PCNT: variants seen among roughly 807,000 people sequenced by gnomAD.
PCNT encodes kendrin.
PCNT carries 319 observed loss-of-function variants against 380.4 expected under a neutral mutation model. The ratio of observed to expected loss-of-function variants is 0.84; its 90% CI spans 0.77 to 0.92. The LOEUF (loss-of-function observed/expected upper bound fraction) is 0.92. Among genes scored for constraint, PCNT ranks in the 40% least tolerant of loss-of-function variants. PCNT has a pLI of 0.00. For synonymous variants in PCNT, 1,845 were observed against 1,735.2 expected (o/e 1.06, Z -1.57); for missense variants, 4,400 against 4,255.3 (o/e 1.03, Z -0.95).
intron 25 of PCNT, among the ~76,000 whole-genome samples, 176 bp from the exon 26 acceptor site, chr21:46,401,375 A>T (rs1349314375): frequency 6.6e-6 from 1 of 152,158 alleles, no homozygotes; most frequent in Non-Finnish European, 1.5e-5. Flanking sequence ...CTCTGCTGGG[A>T]GGTGGCTGGG....
At position 46,445,406 on chromosome 21, in the gene PCNT, T is replaced by TG. The variant is rs3833367; in HGVS notation, c.*82dup. The TG allele has an allele frequency of 3.7e-3, 3,961 of 1,057,638 alleles. 65 individuals are homozygous for TG. The highest frequency in any genetic ancestry group is 0.024 in the South Asian group (1,951 of 80,054). The allele number at this position is 1,057,638 out of a possible 1,614,324, so 65.5% of individuals were successfully genotyped here. A position where few individuals can be genotyped will look rare whatever the true frequency, so the allele number is the denominator to read the frequency against. ...TTTTCCCTTTTCCCAAGGAAGCTCG[T>TG]GGGACAGCATGGGCACTACTCTTCA... On this transcript the variant is annotated 3_prime_UTR_variant, in exon 47 of 47. Coordinates refer to ENST00000359568, the MANE Select transcript of PCNT (RefSeq NM_006031.6).
In PCNT at chr21:46,402,392, A is replaced by C; in HGVS notation, c.5024A>C (p.Glu1675Ala). The C allele has an allele frequency of 6.2e-7, 1 of 1,612,826 alleles. No individual in the cohort carries two copies. Among genetic ancestry groups the C allele is most frequent in the Non-Finnish European group, 8.5e-7 (1 of 1,178,786 alleles). ...GGTGACTTAGAAAGTAAAAATGAAG[A>C]AATACTACATCTGAACTTAAAATTG... ...MKGDLESKNE[E>A]ILHLNLKLDM... Residue 1675 changes from glutamate (E) to alanine (A), a missense_variant, in exon 27 of 47, where the codon GAA becomes GCA. By Grantham distance (107) the Glu-to-Ala change is moderately radical (BLOSUM62 -1). Coordinates refer to ENST00000359568, the MANE Select transcript of PCNT (RefSeq NM_006031.6).
chr21:46,440,237 CT>C (rs35782350), intron 42 of PCNT, 35 bp downstream of exon 42: 1 of 1,611,468 alleles, frequency 6.2e-7, no homozygotes, highest in Non-Finnish European at 8.5e-7. Flanking sequence ...AACTTTGGTG[CT>C]TTTTTAAGTC....
At chr21:46,370,001 G>A (rs2085061161) in intron 15 of PCNT, among the ~76,000 whole-genome samples, 1 of 152,210 alleles carries the variant, frequency 6.6e-6, no homozygotes, top group African/African-American at 2.4e-5. Context: ...CAGGTGCTGC[G>A]GGAGGGGCTG....
chr21:46,403,699 C>A (rs559252933), intron 27 of PCNT, among the ~76,000 whole-genome samples: 1 of 136,278 alleles, frequency 7.3e-6, no homozygotes, highest in East Asian at 2.3e-4. Flanking sequence ...CCACGCGGCA[C>A]GTGCTTGGTG....
chr21:46,411,148 G>T, intron 27 of PCNT, 41 bp from the exon 28 acceptor site: 1 of 1,592,202 alleles, frequency 6.3e-7, no homozygotes, highest in Non-Finnish European at 8.6e-7. Flanking sequence ...ATTCGGAAGT[G>T]GATACATTTA....
intron 1 of PCNT, among the ~76,000 whole-genome samples, chr21:46,325,759 C>G (rs2083373331): frequency 6.6e-6 from 1 of 152,206 alleles, no homozygotes; most frequent in Non-Finnish European, 1.5e-5. Context: ...CACATAGTCT[C>G]AAACTCTCGG....
chr21:46,334,701 C>T lies in PCNT; in HGVS notation c.572C>T (p.Thr191Ile), dbSNP rs1255927615. The change falls in exon 3 of 47, where the codon ACA becomes ATA. Residue 191 changes from threonine (T) to isoleucine (I), a missense_variant. Thr to Ile is a moderately conservative substitution (Grantham distance 89). Coordinates refer to ENST00000359568, the MANE Select transcript of PCNT (RefSeq NM_006031.6). ...QRGMFTVSDH[T>I]PEQRGIFTIS... ...GGGATGTTCACAGTCAGTGACCACACACCAGAACAGCGTGGGATCTTCACA... is the reference window on the plus strand; with the variant it reads ...GGGATGTTCACAGTCAGTGACCACATACCAGAACAGCGTGGGATCTTCACA... The T allele has an allele frequency of 1.2e-6, 2 of 1,613,294 alleles. No individual in the cohort carries two copies. The highest frequency in any genetic ancestry group is 1.1e-5 in the South Asian group (1 of 90,948).
At chr21:46,390,529 A>G (rs1175443997) in intron 19 of PCNT, 141 bp from the exon 20 acceptor site, 1 of 841,108 alleles carries the variant, frequency 1.2e-6, no homozygotes, top group Non-Finnish European at 2.0e-6. Flanking sequence ...AGATGTGCTC[A>G]GGTCCCGTCA....
At chr21:46,345,608 C>T (rs1385873175) in intron 3 of PCNT, among the ~76,000 whole-genome samples, 4 of 152,104 alleles carry the variant, frequency 2.6e-5, no homozygotes, top group Non-Finnish European at 4.4e-5. Flanking sequence ...AACAAGCATA[C>T]GATTCACCAT....
chr21:46,398,321 G>C, intron 24 of PCNT, 66 bp downstream of exon 24: 1 of 1,497,620 alleles, frequency 6.7e-7, no homozygotes. Context: ...CGCTCGCTGG[G>C]ACTGTCCTGC....
chr21:46,359,480 G>GTTTGTTTTTTTT (rs2084610347), intron 13 of PCNT, among the ~76,000 whole-genome samples: 1 of 65,732 alleles, frequency 1.5e-5, no homozygotes, highest in African/African-American at 4.5e-5. Flanking sequence ...AAATACACCT[G>GTTTGTTTTTTTT]TTTTTTTTTT....
Position 46,398,030 on chromosome 21 carries a change from G to A in PCNT, c.4463G>A (p.Arg1488Gln), listed in dbSNP as rs764948991. 28 of 1,589,976 alleles carry A rather than the reference G, an allele frequency of 1.8e-5. No individual in the cohort carries two copies. Among genetic ancestry groups the A allele is most frequent in the African/African-American group, 4.0e-5 (3 of 74,454 alleles). The change falls in exon 23 of 47, where the codon CGG becomes CAG. Residue 1488 changes from arginine to glutamine, a missense_variant. Transcript: ENST00000359568. ...RQFMDEQAAE[R>Q]EHEREEFQQE... ...TCCTCCCAGGAGCAGGCAGCCGAGC[G>A]GGAGCACGAGCGCGAGGAGTTCCAG...
rs2084269705 is a variant in PCNT, at chr21:46,351,484, T to C, written c.1400T>C (p.Ile467Thr). ...CTGAAGGCACAATCACAAGAAGAGA[T>C]CAGGCGCTTGTGGTCCCAGCTTGAT... is the stretch of plus-strand genomic sequence containing the variant. ...EDLKAQSQEE[I>T]RRLWSQLDSA... is the part of the protein sequence containing the mutation. The change falls in exon 9 of 47, where the codon ATC (isoleucine) becomes ACC (threonine). Residue 467 changes from isoleucine to threonine, a missense_variant. Ile to Thr is a moderately conservative substitution (Grantham distance 89). Coordinates refer to ENST00000359568, the MANE Select transcript of PCNT (RefSeq NM_006031.6). The C allele has an allele frequency of 1.2e-6, 2 of 1,613,450 alleles. No homozygotes were observed. Among genetic ancestry groups the C allele is most frequent in the African/African-American group, 1.3e-5 (1 of 74,888 alleles).
rs201487404 is a variant in PCNT, at chr21:46,334,668, A to G, written c.539A>G (p.Glu180Gly). The G allele has an allele frequency of 2.5e-6, 4 of 1,607,770 alleles. No homozygotes were observed. Among genetic ancestry groups the G allele is most frequent in the Non-Finnish European group, 3.4e-6 (4 of 1,176,902 alleles). ...GMFTISDHQP[E>G]QRGMFTVSDH... ...TTCACAATCAGTGACCACCAACCGG[A>G]ACAGCGTGGGATGTTCACAGTCAGT... The change falls in exon 3 of 47, where the codon GAA becomes GGA. Residue 180 changes from glutamate to glycine, a missense_variant. By Grantham distance (98) the Glu-to-Gly change is moderately conservative. Transcript: ENST00000359568.
At chr21:46,438,860 A>G (rs995241481) in intron 41 of PCNT, among the ~76,000 whole-genome samples, 4 of 151,744 alleles carry the variant, frequency 2.6e-5, no homozygotes, top group African/African-American at 9.7e-5. Flanking sequence ...TTTAGTAGAG[A>G]TGGGGTTTTG....
At chr21:46,433,354 GCCTGGGCAACAAGAGCGAGACT>G (rs2087847560) in intron 38 of PCNT, among the ~76,000 whole-genome samples, 1 of 152,254 alleles carries the variant, frequency 6.6e-6, no homozygotes, top group South Asian at 2.1e-4. Context: ...CTGCACTTCA[GCCTGGGCAACAAGAGCGAGACT>G]CCATCTCAAA....
At chr21:46,418,394 G>T (rs975701603) in intron 31 of PCNT, 88 bp downstream of exon 31, 2 of 853,784 alleles carry the variant, frequency 2.3e-6, no homozygotes, top group Admixed American at 4.0e-5. Context: ...TCCTTTGCCT[G>T]GTTCTGCGTC....
At chr21:46,368,459 A>G (rs554614014) in intron 15 of PCNT, among the ~76,000 whole-genome samples, 2 of 151,742 alleles carry the variant, frequency 1.3e-5, no homozygotes, top group African/African-American at 4.9e-5. Flanking sequence ...AAAAAAAAAA[A>G]GCGGTGATGG....
Sources: gnomAD v4.1 joint callset for allele counts (sites outside exome capture counted in the v4.1 genomes callset) on GRCh38, gnomAD v4.1.1 for gene constraint, MANE v1.5 for transcripts, NCBI Gene and HGNC (gene_info 2026-07-23, HGNC 2026-07-21) for gene names.